The following TAFA4 variants were observed in gnomAD, a reference collection of about 807,000 sequenced individuals.
TAFA4 encodes the protein chemokine-like protein TAFA-4.
A neutral mutation model predicts 21.1 loss-of-function variants in TAFA4; 20 were observed. The observed-to-expected ratio is 0.95, with a 90% confidence interval of 0.67 to 1.38. The LOEUF (loss-of-function observed/expected upper bound fraction) is 1.38, where lower values mean the gene tolerates loss of function less well. Among genes scored for constraint, TAFA4 ranks in the 40% most tolerant of loss-of-function variants. The pLI is 0.00. For missense variants in TAFA4, 211 were observed against 180.9 expected, an observed-to-expected ratio of 1.17 and a Z score of -0.95; for synonymous variants, 71 against 67.4, an observed-to-expected ratio of 1.05 and a Z score of -0.26.
chr3:68,897,518 T>A lies in TAFA4; in HGVS notation c.-122-12208A>T, dbSNP rs533273139. On this transcript the variant is annotated intron_variant, in intron 1 of 5. Transcript: ENST00000295569. ...GTACATGCCTGTAATCCCAGCTACT[T>A]GGGAGGCTGAGGCAGAAGAATCGCT... is the stretch of plus-strand genomic sequence containing the variant. Among the ~76,000 whole-genome samples, 43 of 151,560 alleles carry A rather than the reference T, an allele frequency of 2.8e-4. No homozygotes were observed. In the South Asian group the frequency reaches 8.8e-3, roughly 31 times the overall value.
chr3:68,762,366 C>G (rs1340282644), intron 3 of TAFA4, among the ~76,000 whole-genome samples: 1 of 152,034 alleles, frequency 6.6e-6, no homozygotes, highest in African/African-American at 2.4e-5. Context: ...ATAGGATAGA[C>G]AGATGTTAGC....
intron 5 of TAFA4, among the ~76,000 whole-genome samples, chr3:68,736,998 G>A (rs1702252933): frequency 6.6e-6 from 1 of 152,124 alleles, no homozygotes; most frequent in Non-Finnish European, 1.5e-5. Flanking sequence ...TACATTCCCA[G>A]CACAGAGCCA....
At chr3:68,795,542 G>A (rs778503163) in intron 3 of TAFA4, among the ~76,000 whole-genome samples, 5 of 152,114 alleles carry the variant, frequency 3.3e-5, no homozygotes, top group Non-Finnish European at 5.9e-5. Context: ...GTGTTCTGCC[G>A]TATTGACTAG....
chr3:68,754,004 T>G (rs1702612608), intron 3 of TAFA4, among the ~76,000 whole-genome samples: 1 of 152,206 alleles, frequency 6.6e-6, no homozygotes, highest in Non-Finnish European at 1.5e-5. Context: ...AGTTGGCAAT[T>G]GCTGTTGTAA....
chr3:68,872,303 A>T (rs1276784082), intron 3 of TAFA4, among the ~76,000 whole-genome samples: 3 of 152,138 alleles, frequency 2.0e-5, no homozygotes, highest in African/African-American at 7.2e-5. Context: ...TAAGCCAGGC[A>T]CAGAATAAAT....
At chr3:68,883,761 T>C (rs750258045) in intron 2 of TAFA4, among the ~76,000 whole-genome samples, 3 of 152,100 alleles carry the variant, frequency 2.0e-5, no homozygotes, top group Non-Finnish European at 2.9e-5. Context: ...CTTTTTTTTA[T>C]TGTTTATACT....
At chr3:68,746,837 T>C (rs1702467389) in intron 4 of TAFA4, among the ~76,000 whole-genome samples, 1 of 152,204 alleles carries the variant, frequency 6.6e-6, no homozygotes. Context: ...CCACATACTT[T>C]GGGAACCTCT....
chr3:68,828,617 G>A (rs1490038148), intron 3 of TAFA4, among the ~76,000 whole-genome samples: 3 of 152,020 alleles, frequency 2.0e-5, no homozygotes, highest in African/African-American at 7.3e-5. Flanking sequence ...GGATTCCTAG[G>A]TATTTTATTC....
intron 4 of TAFA4, among the ~76,000 whole-genome samples, chr3:68,741,437 A>G (rs1205410082): frequency 2.0e-5 from 3 of 152,120 alleles, no homozygotes; most frequent in Non-Finnish European, 4.4e-5. Context: ...GAGAAATGCG[A>G]CTGAGTTTTG....
intron 1 of TAFA4, among the ~76,000 whole-genome samples, chr3:68,918,804 G>T (rs1018297991): frequency 2.6e-5 from 4 of 152,194 alleles, no homozygotes; most frequent in Non-Finnish European, 4.4e-5. Context: ...GCCTCCCAAA[G>T]TGCTGGGATC....
chr3:68,882,994 C>T (rs1207094399), intron 2 of TAFA4: 1 of 152,278 alleles, frequency 6.6e-6, no homozygotes, highest in Admixed American at 6.5e-5. Context: ...CCTCAACCCA[C>T]CTGATCTCAG....
intron 1 of TAFA4, among the ~76,000 whole-genome samples, chr3:68,925,644 C>CT (rs1235439272): frequency 6.6e-6 from 1 of 152,154 alleles, no homozygotes; most frequent in Non-Finnish European, 1.5e-5. Context: ...TCCCTTTTAA[C>CT]TTTTGGATGT....
At chr3:68,770,545 A>C (rs1414737600) in intron 3 of TAFA4, among the ~76,000 whole-genome samples, 1 of 152,236 alleles carries the variant, frequency 6.6e-6, no homozygotes, top group Non-Finnish European at 1.5e-5. Context: ...ACCAGTTTTC[A>C]AACTAGGGTA....
At chr3:68,921,683 C>T (rs9829895) in intron 1 of TAFA4, among the ~76,000 whole-genome samples, 15,468 of 152,102 alleles carry the variant, frequency 0.1, 2,178 homozygotes, top group African/African-American at 0.31. Flanking sequence ...TAACATCTGC[C>T]GAGTCTTAAC....
At chr3:68,735,804 A>C (rs1702232062) in intron 5 of TAFA4, among the ~76,000 whole-genome samples, 1 of 152,142 alleles carries the variant, frequency 6.6e-6, no homozygotes, top group African/African-American at 2.4e-5. Context: ...TGAAAAAAAT[A>C]TACTATTCTT....
chr3:68,769,512 A>G (rs992605434), intron 3 of TAFA4, among the ~76,000 whole-genome samples: 2 of 152,226 alleles, frequency 1.3e-5, no homozygotes, highest in African/African-American at 4.8e-5. Flanking sequence ...ACTGCACAGT[A>G]GGGTGACTAT....
chr3:68,808,018 G>A (rs902245), intron 3 of TAFA4, among the ~76,000 whole-genome samples: 1,944 of 152,116 alleles, frequency 0.013, 33 homozygotes, highest in African/African-American at 0.044. Flanking sequence ...TTTAACATAT[G>A]TATATAGATT....
intron 1 of TAFA4, among the ~76,000 whole-genome samples, chr3:68,918,907 C>T (rs1425080276): frequency 7.3e-6 from 1 of 137,016 alleles, no homozygotes; most frequent in Admixed American, 7.0e-5. Flanking sequence ...AATTGCAATT[C>T]ACTTTGTTTT....
At chr3:68,767,157 CACCCAAGT>C (rs1449837264) in intron 3 of TAFA4, among the ~76,000 whole-genome samples, 4 of 152,104 alleles carry the variant, frequency 2.6e-5, no homozygotes, top group Non-Finnish European at 5.9e-5. Context: ...GTGCACCTGT[CACCCAAGT>C]ACTGTACTCA....
Sources: allele counts gnomAD v4.1 joint callset (sites outside exome capture counted in the v4.1 genomes callset), GRCh38; gene constraint gnomAD v4.1.1; transcripts MANE v1.5; gene names NCBI Gene and HGNC (gene_info 2026-07-23, HGNC 2026-07-21).